Variants in SVOPL observed in about 807,000 individuals in gnomAD.
SVOPL encodes the protein putative transporter SVOPL.
Under a neutral mutation model 61.0 loss-of-function variants are expected in SVOPL, and 60 were observed. That is an observed-to-expected ratio of 0.98 (90% CI 0.80 to 1.22). The LOEUF (loss-of-function observed/expected upper bound fraction) is 1.22, where lower values mean the gene tolerates loss of function less well. Ranked by LOEUF, SVOPL falls within the 50% of genes most tolerant of loss-of-function variation. The probability of loss-of-function intolerance (pLI) is 0.00; values close to 1 mark genes in which losing one functional copy is unlikely to be tolerated. For missense variants in SVOPL, 662 were observed against 643.9 expected (o/e 1.03, Z -0.30); for synonymous variants, 279 against 250.0 (o/e 1.12, Z -1.09).
chr7:138,689,390 C>T (rs1802889812), intron 1 of SVOPL: 2 of 1,491,288 alleles, frequency 1.3e-6, no homozygotes, highest in South Asian at 1.1e-5. Flanking sequence ...GTCGGATTTA[C>T]CCATGCATGA....
At chr7:138,632,112 C>CA (rs1317989363) in intron 9 of SVOPL, among the ~76,000 whole-genome samples, 3 of 152,156 alleles carry the variant, frequency 2.0e-5, no homozygotes, top group African/African-American at 7.2e-5. Context: ...GGTCTACTGC[C>CA]AGTAGCTCTG....
chr7:138,670,745 T>C (rs1448911388), intron 4 of SVOPL, among the ~76,000 whole-genome samples: 6 of 152,182 alleles, frequency 3.9e-5, no homozygotes. Context: ...CTTGATAAGT[T>C]GGCTCTATTG....
At chr7:138,682,478 T>A (rs1182346783) in intron 1 of SVOPL, among the ~76,000 whole-genome samples, 2 of 152,038 alleles carry the variant, frequency 1.3e-5, no homozygotes, top group Non-Finnish European at 2.9e-5. Context: ...AACAACACCA[T>A]GTGGATGCAA....
At position 138,602,340 on chromosome 7, in the gene SVOPL, A is replaced by G. The variant is rs80341798; in HGVS notation, c.1354-5810T>C. Among the ~76,000 whole-genome samples the G allele has an allele frequency of 6.6e-3, 1,005 of 152,216 alleles. 14 individuals carry two copies. Among genetic ancestry groups the G allele is most frequent in the South Asian group, 0.046 (223 of 4,816 alleles). On this transcript the variant is annotated intron_variant, in intron 14 of 15. Coordinates refer to ENST00000674285, the MANE Select transcript of SVOPL (RefSeq NM_001139456.2). ...TCATTGACAAGGTGATGGCTATCTA[A>G]TTATGGCACATACATGCCACAGAAA...
chr7:138,618,424 G>T (rs1044273056), intron 14 of SVOPL, among the ~76,000 whole-genome samples: 4 of 152,062 alleles, frequency 2.6e-5, no homozygotes, highest in African/African-American at 9.7e-5. Flanking sequence ...ACTTTGGGAG[G>T]CGAGGCGGGC....
At chr7:138,672,524 G>A (rs1802449558) in intron 3 of SVOPL, among the ~76,000 whole-genome samples, 1 of 152,064 alleles carries the variant, frequency 6.6e-6, no homozygotes, top group South Asian at 2.1e-4. Flanking sequence ...CAGAGCACAC[G>A]CCTTATAAAT....
chr7:138,641,833 TA>T (rs372480322), intron 9 of SVOPL, among the ~76,000 whole-genome samples: 31 of 37,210 alleles, frequency 8.3e-4, no homozygotes, highest in Non-Finnish European at 1.2e-3. Context: ...TATATATATA[TA>T]ACATATATAT....
chr7:138,633,006 CATA>C (rs1323094757), intron 9 of SVOPL, among the ~76,000 whole-genome samples: 1 of 152,032 alleles, frequency 6.6e-6, no homozygotes, highest in African/African-American at 2.4e-5. Context: ...CTCTATAAAC[CATA>C]ATAGCTTTCT....
chr7:138,694,697 TC>T lies in SVOPL; in HGVS notation c.-35+6480del, dbSNP rs1472883997. Among the ~76,000 whole-genome samples the T allele has an allele frequency of 3.9e-5, 6 of 152,196 alleles. No individual in the cohort carries two copies. The South Asian group carries it at 1.2e-3, about 32-fold the overall frequency. On this transcript the variant is annotated intron_variant, in intron 1 of 15. Transcript: ENST00000674285. Reference sequence around the variant, plus strand: ...GGCTATTGATTGTTGAACTGTGTTTTCCAATATTTATCTATATAATGATCCC... The same window carrying T: ...GGCTATTGATTGTTGAACTGTGTTTTCAATATTTATCTATATAATGATCCC...
chr7:138,629,531 C>T (rs1051264767), intron 10 of SVOPL, among the ~76,000 whole-genome samples: 4 of 152,124 alleles, frequency 2.6e-5, no homozygotes, highest in African/African-American at 9.7e-5. Context: ...CGTGAGCCAC[C>T]GTACCCGGCC....
At chr7:138,628,019 A>C in intron 11 of SVOPL, 139 bp downstream of exon 11, 1 of 961,318 alleles carries the variant, frequency 1.0e-6, no homozygotes, top group East Asian at 2.6e-5. Flanking sequence ...CAAACTGGAG[A>C]TTTTTCAGCA....
intron 13 of SVOPL, among the ~76,000 whole-genome samples, chr7:138,624,646 C>T (rs1799814235): frequency 6.6e-6 from 1 of 151,624 alleles, no homozygotes; most frequent in Non-Finnish European, 1.5e-5. Flanking sequence ...AGATTTTCCT[C>T]ATATATTATG....
intron 1 of SVOPL, among the ~76,000 whole-genome samples, chr7:138,686,008 T>C (rs533846711): frequency 6.1e-4 from 93 of 152,236 alleles, no homozygotes; most frequent in Non-Finnish European, 1.1e-3. Flanking sequence ...ACATTAAATA[T>C]GTACCAGTTT....
At chr7:138,672,536 G>T (rs1341769120) in intron 3 of SVOPL, among the ~76,000 whole-genome samples, 1 of 151,670 alleles carries the variant, frequency 6.6e-6, no homozygotes, top group Non-Finnish European at 1.5e-5. Context: ...CTTATAAATG[G>T]ATTTTTGAGA....
At chr7:138,653,260 A>T (rs1175660053) in intron 7 of SVOPL, among the ~76,000 whole-genome samples, 1 of 152,208 alleles carries the variant, frequency 6.6e-6, no homozygotes, top group Non-Finnish European at 1.5e-5. Context: ...CATCCAGGAG[A>T]TCTAGCTAAG....
rs748356494 is a variant in SVOPL at position 138,596,436 on chromosome 7, G to A, written c.1448C>T (p.Thr483Ile). ...AISAFTLPIETKGRALQQIK is the reference protein window; with the variant it reads ...AISAFTLPIEIKGRALQQIK ...ACTCACCTGGAGGGCCCGTCCTTTG[G>A]TTTCGATGGGGAGAGTGAATGCAGA... The change falls in exon 15 of 16, where the codon ACC becomes ATC. Residue 483 changes from threonine (T) to isoleucine (I), a missense_variant. By Grantham distance (89) the Thr-to-Ile change is moderately conservative. Coordinates refer to ENST00000674285, the MANE Select transcript of SVOPL (RefSeq NM_001139456.2). 4.3e-6 allele frequency: 7 copies of A among 1,613,694 alleles called. No individual in the cohort carries two copies. The African/African-American group carries it at 9.3e-5, about 22-fold the overall frequency.
At chr7:138,636,470 A>ATTTTTT (rs34209936) in intron 9 of SVOPL, among the ~76,000 whole-genome samples, 2 of 142,904 alleles carry the variant, frequency 1.4e-5, no homozygotes, top group Non-Finnish European at 3.0e-5. Context: ...CTCTCATAGG[A>ATTTTTT]TTTTTCTTTT....
At chr7:138,683,451 T>C (rs1238250811) in intron 1 of SVOPL, among the ~76,000 whole-genome samples, 1 of 152,190 alleles carries the variant, frequency 6.6e-6, no homozygotes. Context: ...CACTGCAACC[T>C]CTGCCCCCCG....
At position 138,630,120 on chromosome 7, in the gene SVOPL, T is replaced by C; in HGVS notation, c.792A>G (p.Glu264=). The change falls in exon 10 of 16, where the codon GAA becomes GAG. Residue 264 remains glutamate, a splice_region_variant and synonymous_variant. Coordinates refer to ENST00000674285, the MANE Select transcript of SVOPL (RefSeq NM_001139456.2). The stretch of plus-strand genomic sequence containing the variant: ...ATAGGTCTGCAAATCTTCCTCTTTT[T>C]TCCTGGGGTAATGAAAAGGAGACAG... ...PEGKLVEPVL[E]KRGRFADLLD... is the part of the protein sequence containing the mutation. The C allele has an allele frequency of 6.2e-7, 1 of 1,613,498 alleles. No homozygotes were observed. The highest frequency in any genetic ancestry group is 8.5e-7 in the Non-Finnish European group (1 of 1,179,414).
Sources: gnomAD v4.1 joint callset for allele counts (sites outside exome capture counted in the v4.1 genomes callset) on GRCh38, gnomAD v4.1.1 for gene constraint, MANE v1.5 for transcripts, NCBI Gene and HGNC (gene_info 2026-07-23, HGNC 2026-07-21) for gene names.